LRRC9: variants seen among roughly 807,000 people sequenced by gnomAD.
LRRC9 encodes the protein leucine-rich repeat-containing protein 9.
A neutral mutation model predicts 63.2 loss-of-function variants in LRRC9; 122 were observed. The observed-to-expected ratio is 1.93, with a 90% CI of 1.67 to 2.24. The LOEUF (loss-of-function observed/expected upper bound fraction) is 2.24. Among genes scored for constraint, LRRC9 ranks in the 30% most tolerant of loss-of-function variants. The probability of loss-of-function intolerance (pLI) is 0.00; values close to 1 mark genes in which losing one functional copy is unlikely to be tolerated. For synonymous variants in LRRC9, 366 were observed against 213.1 expected, an observed-to-expected ratio of 1.72 and a Z score of -6.25; for missense variants, 1,071 against 627.7, an observed-to-expected ratio of 1.71 and a Z score of -7.55.
Position 59,938,308 on chromosome 14 carries a change from A to G in LRRC9, c.544-82A>G. 1.7e-6 allele frequency: 1 copy of G among 580,220 alleles called. No individual in the cohort carries two copies. The highest frequency in any genetic ancestry group is 3.1e-6 in the Non-Finnish European group (1 of 327,312). The allele number at this position is 580,220 out of a possible 1,614,324, so 35.9% of individuals were successfully genotyped here. ...GCGCATAATTAGAATGCATTAGACT[A>G]TGGCTGATCTTAGGTGTTCAAATAC... On this transcript the variant is annotated intron_variant, in intron 6 of 31. Transcript: ENST00000445360. This position sits in a 1 kb window ranked among gnomAD's most constrained non-coding sequence, Gnocchi z 4.2.
chr14:60,006,733 G>GA lies in LRRC9; in HGVS notation c.3063+118dup, dbSNP rs1422743692. ...GAAAATATAAAGAAAATAAAAATAA[G>GA]AATAACAAGTTTATTAAAATGTATT... On this transcript the variant is annotated intron_variant, in intron 22 of 31. Coordinates refer to ENST00000445360, the Ensembl canonical transcript of LRRC9. 9.5e-6 allele frequency: 5 copies of GA among 527,994 alleles called. No homozygotes were observed. In the African/African-American group the frequency reaches 9.8e-5, roughly 10 times the overall value. The allele number at this position is 527,994 out of a possible 1,614,324, so 32.7% of individuals were successfully genotyped here.
chr14:59,920,587 T>G (rs146044650), intron 1 of LRRC9, among the ~76,000 whole-genome samples: 41 of 152,338 alleles, frequency 2.7e-4, no homozygotes, highest in African/African-American at 8.9e-4. Context: ...AACCTGACAC[T>G]GCTCATCTAG....
chr14:59,937,262 T>TCTACTGCATA (rs1373293207), intron 6 of LRRC9, among the ~76,000 whole-genome samples: 2 of 150,514 alleles, frequency 1.3e-5, no homozygotes, highest in Non-Finnish European at 3.0e-5. Context: ...ACATGTAGCC[T>TCTACTGCATA]CTACTGCATA....
At chr14:60,045,955 T>C (rs1252556835) in intron 29 of LRRC9, among the ~76,000 whole-genome samples, 1 of 152,146 alleles carries the variant, frequency 6.6e-6, no homozygotes, top group African/African-American at 2.4e-5. Context: ...TTTTTAGTAA[T>C]TGCCATTCTA....
chr14:59,994,178 A>G (rs77969114), intron 17 of LRRC9, among the ~76,000 whole-genome samples: 3 of 152,152 alleles, frequency 2.0e-5, no homozygotes, highest in Non-Finnish European at 4.4e-5. Flanking sequence ...AGAAAAAAAA[A>G]CCCCATCAAA....
chr14:59,954,720 G>A (rs891482102), intron 8 of LRRC9, among the ~76,000 whole-genome samples: 1 of 152,030 alleles, frequency 6.6e-6, no homozygotes, highest in Non-Finnish European at 1.5e-5. Context: ...GTGAGAGGGG[G>A]CATCCTTATC....
intron 1 of LRRC9, 139 bp downstream of exon 1, chr14:59,920,412 T>A (rs1888672449): frequency 6.6e-6 from 1 of 152,188 alleles, no homozygotes; most frequent in African/African-American, 2.4e-5. Context: ...AATGGTGCAA[T>A]GGTGATGATA....
Position 59,927,886 on chromosome 14 carries a change from T to C in LRRC9, c.-33-25T>C. The stretch of plus-strand genomic sequence containing the variant: ...GAATGACAATGACTTTAATATTTAT[T>C]TCATTTTTTCATTTTCCTTAAAAGT... On this transcript the variant is annotated intron_variant, in intron 1 of 31. Coordinates refer to ENST00000445360, the Ensembl canonical transcript of LRRC9. This position sits in a 1 kb window ranked among gnomAD's most constrained non-coding sequence, Gnocchi z 4.4. 1.6e-6 allele frequency: 1 copy of C among 636,184 alleles called. No homozygotes were observed. Among genetic ancestry groups the C allele is most frequent in the Non-Finnish European group, 2.8e-6 (1 of 358,950 alleles). The allele number at this position is 636,184 out of a possible 1,614,324, so 39.4% of individuals were successfully genotyped here.
intron 23 of LRRC9, among the ~76,000 whole-genome samples, chr14:60,010,009 C>A (rs2140242289): frequency 6.6e-6 from 1 of 152,354 alleles, no homozygotes; most frequent in African/African-American, 2.4e-5. Flanking sequence ...CTCCTGGCTG[C>A]TTTCACAGGC....
In LRRC9 at chr14:59,932,637, A is replaced by G. The variant is rs1354322312; in HGVS notation, c.543+598A>G. ...ACTCTTCTTATTCCTTCATACCCTC[A>G]TCCAATCCATCAGCAAGTACAACTG... On this transcript the variant is annotated intron_variant, in intron 6 of 31. Coordinates refer to ENST00000445360, the Ensembl canonical transcript of LRRC9. The surrounding 1 kb of genome is among the most constrained non-coding windows in gnomAD (Gnocchi z 4.7). 6.6e-6 allele frequency among the ~76,000 whole-genome samples: 1 copy of G among 152,016 alleles called. No homozygotes were observed. The highest frequency in any genetic ancestry group is 1.5e-5 in the Non-Finnish European group (1 of 67,992).
intron 17 of LRRC9, among the ~76,000 whole-genome samples, chr14:59,992,036 G>A (rs555523220): frequency 1.2e-3 from 184 of 152,254 alleles, no homozygotes; most frequent in Admixed American, 2.0e-3. Context: ...CCTGACCCCC[G>A]AGGAGCCTAA....
At chr14:59,971,875 A>T (rs1022079460) in intron 12 of LRRC9, among the ~76,000 whole-genome samples, 8 of 152,120 alleles carry the variant, frequency 5.3e-5, no homozygotes, top group Non-Finnish European at 1.2e-4. Context: ...GCCCTTGGTC[A>T]TGCCCTCTAG....
intron 30 of LRRC9, among the ~76,000 whole-genome samples, chr14:60,055,125 TA>T (rs1409349059): frequency 6.6e-6 from 1 of 152,242 alleles, no homozygotes; most frequent in Non-Finnish European, 1.5e-5. Flanking sequence ...AAAGGGCTTC[TA>T]TTATAGGTCA....
Position 59,928,499 on chromosome 14 carries a change from AT to A in LRRC9, c.267+14del. The A allele has an allele frequency of 1.6e-6, 1 of 618,948 alleles. No homozygotes were observed. The highest frequency in any genetic ancestry group is 2.8e-6 in the Non-Finnish European group (1 of 352,798). 38.3% of individuals were successfully genotyped at this position (618,948 alleles called of 1,614,324 possible). A position where few individuals can be genotyped will look rare whatever the true frequency, so the allele number is the denominator to read the frequency against. On this transcript the variant is annotated intron_variant, in intron 3 of 31. Coordinates refer to ENST00000445360, the Ensembl canonical transcript of LRRC9. The stretch of plus-strand genomic sequence containing the variant: ...GTGCTGCATAGAGGTAAGTGTAAAC[AT>A]AAAACCTCACATGGAGTATTTTATT...
intron 29 of LRRC9, among the ~76,000 whole-genome samples, chr14:60,047,468 A>C (rs888357855): frequency 3.4e-4 from 52 of 152,170 alleles, no homozygotes; most frequent in African/African-American, 1.3e-3. Flanking sequence ...TAATTTACCA[A>C]GCAGATGAAA....
intron 25 of LRRC9, 55 bp from the exon 26 acceptor site, chr14:60,019,066 A>T: frequency 1.6e-6 from 1 of 618,974 alleles, no homozygotes; most frequent in East Asian, 2.8e-5. Flanking sequence ...AGTTTTATCC[A>T]TACAATTTTT....
intron 23 of LRRC9, among the ~76,000 whole-genome samples, chr14:60,012,347 G>T (rs775015376): frequency 9.9e-5 from 15 of 152,100 alleles, no homozygotes; most frequent in Non-Finnish European, 1.9e-4. Flanking sequence ...GTCTTCTTTG[G>T]AGTGGGAGTA....
chr14:60,049,071 T>C (rs567214960), intron 29 of LRRC9, among the ~76,000 whole-genome samples: 28 of 152,268 alleles, frequency 1.8e-4, no homozygotes, highest in African/African-American at 5.3e-4. Context: ...AGGCCTTTGA[T>C]AAAGTTCAAC....
intron 1 of LRRC9, among the ~76,000 whole-genome samples, chr14:59,926,226 G>T (rs999930499): frequency 6.6e-6 from 1 of 152,080 alleles, no homozygotes; most frequent in African/African-American, 2.4e-5. Flanking sequence ...CATATTTAAA[G>T]ACTTCTCTCA....
Sources: gnomAD v4.1 joint callset for allele counts (sites outside exome capture counted in the v4.1 genomes callset) on GRCh38, gnomAD v4.1.1 for gene constraint, Gnocchi (gnomAD v3.1) non-coding constraint, MANE v1.5 for transcripts, NCBI Gene and HGNC (gene_info 2026-07-23, HGNC 2026-07-21) for gene names.